CORO2B: variants seen among roughly 807,000 people sequenced by gnomAD.
CORO2B encodes coronin-2B.
In CORO2B, 26 loss-of-function variants were observed where a neutral mutation model predicts 58.8. The observed-to-expected ratio is 0.44, with a 90% CI of 0.32 to 0.61. The LOEUF (loss-of-function observed/expected upper bound fraction) is 0.61. Ranked by LOEUF, CORO2B falls within the 20% of genes least tolerant of loss-of-function variation. The pLI, the probability that CORO2B is intolerant of heterozygous loss-of-function variation, is 0.04. For synonymous variants in CORO2B, 242 were observed against 253.8 expected (o/e 0.95, Z 0.44); for missense variants, 460 against 645.1 (o/e 0.71, Z 3.11).
upstream of CORO2B, among the ~76,000 whole-genome samples, chr15:68,574,262 T>G (rs1305386907): frequency 1.3e-5 from 2 of 152,162 alleles, no homozygotes; most frequent in African/African-American, 4.8e-5. Context: ...GGAAGCCTGA[T>G]GAGCTGAGGG....
At chr15:68,596,383 G>A (rs1348460204) in intron 1 of CORO2B, among the ~76,000 whole-genome samples, 1 of 151,574 alleles carries the variant, frequency 6.6e-6, no homozygotes, top group Non-Finnish European at 1.5e-5. Context: ...GTTGTGAGAA[G>A]GGGATCCCCT....
At chr15:68,556,267 C>T in the CORO2B span, among the ~76,000 whole-genome samples, 5 of 152,194 alleles carry the variant, frequency 3.3e-5, no homozygotes, top group South Asian at 2.1e-4. Context: ...GCAGAGCCCA[C>T]GCCTCTTGGA....
At chr15:68,650,322 T>C (rs1300293731) in intron 2 of CORO2B, among the ~76,000 whole-genome samples, 1 of 123,442 alleles carries the variant, frequency 8.1e-6, no homozygotes, top group Non-Finnish European at 1.6e-5. Flanking sequence ...GCGCCACTGC[T>C]CTCCAGCCTG....
intron 3 of CORO2B, among the ~76,000 whole-genome samples, chr15:68,709,716 A>G (rs1596031642): frequency 6.6e-6 from 1 of 152,158 alleles, no homozygotes; most frequent in Middle Eastern, 3.4e-3. Context: ...GTCCTAAATT[A>G]TAGTCACATG....
chr15:68,616,691 C>A, intron 1 of CORO2B: 2 of 881,848 alleles, frequency 2.3e-6, no homozygotes, highest in Non-Finnish European at 1.4e-6. Context: ...CTCCCATGGG[C>A]GAGGGCTAGC....
chr15:68,680,064 G>A (rs1016298850), intron 2 of CORO2B, among the ~76,000 whole-genome samples: 8 of 151,934 alleles, frequency 5.3e-5, no homozygotes, highest in Admixed American at 3.9e-4. Flanking sequence ...CCCCCGCAGA[G>A]TGTGCACGCT....
At chr15:68,608,390 A>G (rs1484490473) in intron 1 of CORO2B, among the ~76,000 whole-genome samples, 1 of 152,226 alleles carries the variant, frequency 6.6e-6, no homozygotes, top group East Asian at 1.9e-4. Flanking sequence ...GGTCCCCTGG[A>G]GGACTTCGGC....
chr15:68,607,886 A>T (rs74507300), intron 1 of CORO2B, among the ~76,000 whole-genome samples: 1 of 151,884 alleles, frequency 6.6e-6, no homozygotes, highest in Non-Finnish European at 1.5e-5. Flanking sequence ...AGGTCAGACC[A>T]GGACTCCAGG....
chr15:68,617,813 C>T (rs1302698270), intron 1 of CORO2B, among the ~76,000 whole-genome samples: 5 of 152,138 alleles, frequency 3.3e-5, no homozygotes, highest in Admixed American at 3.3e-4. Context: ...GGGTGGTTGT[C>T]GTCCCAGTGG....
At chr15:68,643,679 C>T (rs1901328476) in intron 1 of CORO2B, among the ~76,000 whole-genome samples, 1 of 152,182 alleles carries the variant, frequency 6.6e-6, no homozygotes, top group African/African-American at 2.4e-5. Flanking sequence ...GATTCTCCTT[C>T]TGGATTCTGA....
intron 2 of CORO2B, among the ~76,000 whole-genome samples, chr15:68,694,454 C>T (rs964727649): frequency 1.3e-5 from 2 of 152,182 alleles, no homozygotes; most frequent in African/African-American, 4.8e-5. Flanking sequence ...ATCAGCAGAG[C>T]TGTAATTCAA....
At chr15:68,650,483 G>T (rs1423788828) in intron 2 of CORO2B, among the ~76,000 whole-genome samples, 1 of 151,346 alleles carries the variant, frequency 6.6e-6, no homozygotes, top group South Asian at 2.1e-4. Flanking sequence ...GTGATGGTGC[G>T]TGCCTGTAAT....
rs543431407 is a variant in CORO2B, at chr15:68,653,028, C to T, written c.216+7668C>T. On this transcript the variant is annotated intron_variant, in intron 2 of 11. Transcript: ENST00000261861. Reference sequence around the variant, plus strand: ...CCCATGTGTCCATCTCTTTTGGAAGCCGAGAGAGTAGATGTTTCCAAACTC... The same window carrying T: ...CCCATGTGTCCATCTCTTTTGGAAGTCGAGAGAGTAGATGTTTCCAAACTC... Among the ~76,000 whole-genome samples, 75 of 152,322 alleles carry T rather than the reference C, an allele frequency of 4.9e-4. No individual in the cohort carries two copies. The South Asian group carries it at 0.015, about 30-fold the overall frequency.
At chr15:68,696,557 C>CAG (rs1555417373) in intron 3 of CORO2B, among the ~76,000 whole-genome samples, 1 of 110,054 alleles carries the variant, frequency 9.1e-6, no homozygotes, top group Non-Finnish European at 1.8e-5. Context: ...GACTCTGCCT[C>CAG]AAAAAAAAAA....
chr15:68,639,772 T>C (rs764434328), intron 1 of CORO2B, among the ~76,000 whole-genome samples: 1 of 152,346 alleles, frequency 6.6e-6, no homozygotes, highest in East Asian at 1.9e-4. Context: ...TCCTTTCTTT[T>C]ACAGAGTTCA....
At position 68,645,343 on chromosome 15, in the gene CORO2B, G is replaced by A. The variant is rs749693049; in HGVS notation, c.199G>A (p.Val67Ile). The A allele has an allele frequency of 4.8e-5, 77 of 1,611,058 alleles. No individual in the cohort carries two copies. Among genetic ancestry groups the A allele is most frequent in the Admixed American group, 4.0e-4 (24 of 59,918 alleles). ...TESAGGGSFL[V>I]IPLEQTGRIE... is the part of the protein sequence containing the mutation. ...GAGCGCAGGGGGCGGCTCCTTCCTC[G>A]TCATCCCCCTGGAGCAGGTAGGTGG... Residue 67 changes from valine to isoleucine, a missense_variant, in exon 2 of 12, where the codon GTC (valine) becomes ATC (isoleucine). This residue lies in a region of CORO2B where 352 missense variants were observed against 543.0 expected (regional missense o/e 0.65). Coordinates refer to ENST00000261861, the MANE Select transcript of CORO2B (RefSeq NM_006091.5). The surrounding 1 kb of genome is among the most constrained non-coding windows in gnomAD (Gnocchi z 4.5).
At chr15:68,541,242 A>AG in the CORO2B span, among the ~76,000 whole-genome samples, 4 of 151,724 alleles carry the variant, frequency 2.6e-5, no homozygotes, top group Non-Finnish European at 4.4e-5. Context: ...CTCAAATAAA[A>AG]AAAGGAAGAA....
At chr15:68,538,750 C>T in the CORO2B span, among the ~76,000 whole-genome samples, 7 of 100,516 alleles carry the variant, frequency 7.0e-5, no homozygotes, top group African/African-American at 1.1e-4. Flanking sequence ...CATCTCCCAA[C>T]CTCCCCAGAC....
At chr15:68,573,265 A>G in the CORO2B span, among the ~76,000 whole-genome samples, 1 of 152,266 alleles carries the variant, frequency 6.6e-6, no homozygotes, top group East Asian at 1.9e-4. Context: ...AAGGCAAGAG[A>G]GACAAAGAGA....
Sources: allele counts gnomAD v4.1 joint callset (sites outside exome capture counted in the v4.1 genomes callset), GRCh38; gene constraint gnomAD v4.1.1; regional missense constraint gnomAD v4.1.1; non-coding constraint Gnocchi (gnomAD v3.1); transcripts MANE v1.5; gene names NCBI Gene and HGNC (gene_info 2026-07-23, HGNC 2026-07-21).